Variants in DPH6 observed in about 807,000 individuals in gnomAD.
DPH6 encodes diphthamine biosynthesis 6, also known as diphthine--ammonia ligase.
A neutral mutation model predicts 38.2 loss-of-function variants in DPH6; 33 were observed. The ratio of observed to expected loss-of-function variants is 0.86; its 90% CI spans 0.65 to 1.15. The LOEUF is 1.15. DPH6 is among the 50% of genes most tolerant of loss of function. The pLI is 0.00. For synonymous variants in DPH6, 108 were observed against 103.0 expected (o/e 1.05, Z -0.30); for missense variants, 325 against 320.0 (o/e 1.02, Z -0.12).
At chr15:35,411,003 A>G in intron 5 of DPH6, 107 bp from the exon 6 acceptor site, 1 of 912,172 alleles carries the variant, frequency 1.1e-6, no homozygotes, top group Non-Finnish European at 1.6e-6. Context: ...GTGTGTATAT[A>G]TTTTGAATTG....
chr15:35,455,468 A>T (rs1008067890), intron 3 of DPH6, among the ~76,000 whole-genome samples: 1 of 152,152 alleles, frequency 6.6e-6, no homozygotes, highest in Non-Finnish European at 1.5e-5. Context: ...CTCATTAATG[A>T]GCTGGAGGAG....
intron 3 of DPH6, among the ~76,000 whole-genome samples, chr15:35,293,815 A>G (rs2051996024): frequency 6.6e-6 from 1 of 152,232 alleles, no homozygotes; most frequent in Non-Finnish European, 1.5e-5. Context: ...TAAAATGGAA[A>G]CAGAATGAAA....
chr15:35,479,533 ACTC>A (rs1470176258), intron 3 of DPH6, among the ~76,000 whole-genome samples: 1 of 152,018 alleles, frequency 6.6e-6, no homozygotes, highest in East Asian at 1.9e-4. Context: ...TTAGGTTAAG[ACTC>A]CTCCTCCAAG....
the DPH6 span, among the ~76,000 whole-genome samples, chr15:35,150,487 C>A: frequency 1.3e-5 from 2 of 152,158 alleles, no homozygotes; most frequent in African/African-American, 4.8e-5. Context: ...AGCTGTTATT[C>A]ATAATAAATG....
In DPH6 at chr15:35,372,206, A is replaced by T. The variant is rs1595506657; in HGVS notation, c.751-3T>A. 1 of 521,298 alleles carries T rather than the reference A, an allele frequency of 1.9e-6. No individual in the cohort carries two copies. The allele number at this position is 521,298 out of a possible 1,614,324, so 32.3% of individuals were successfully genotyped here. On this transcript the variant is annotated splice_polypyrimidine_tract_variant and splice_region_variant and intron_variant, in intron 8 of 8. Transcript: ENST00000256538. Reference sequence around the variant, plus strand: ...TAGTTGTCAGGCACTGAGGACACCTAAAAAAAAAAGGGAAGGAAAGGGAAG... The same window carrying T: ...TAGTTGTCAGGCACTGAGGACACCTTAAAAAAAAAGGGAAGGAAAGGGAAG...
chr15:35,213,470 T>C (rs771705300), downstream of DPH6, among the ~76,000 whole-genome samples: 19 of 152,244 alleles, frequency 1.2e-4, no homozygotes, highest in Non-Finnish European at 2.6e-4. Flanking sequence ...TTTCTCTTCA[T>C]ACATATTAAT....
rs149877453 is a variant in DPH6 at position 35,522,150 on chromosome 15, C to T, written c.312+16124G>A. 1.4e-4 allele frequency: 223 copies of T among 1,613,268 alleles called. 1 individual carries two copies. In the African/African-American group the frequency reaches 2.4e-3, roughly 17 times the overall value. On this transcript the variant is annotated intron_variant, in intron 3 of 8. Coordinates refer to ENST00000256538, the MANE Select transcript of DPH6 (RefSeq NM_080650.4). ...AAGGAGGAAATGTGTGTTTATCAAA[C>T]TTGCTGTGAGTGCACAGTTCATTTG...
chr15:35,345,460 C>T (rs868118562), intron 3 of DPH6, among the ~76,000 whole-genome samples: 7 of 151,706 alleles, frequency 4.6e-5, no homozygotes, highest in Non-Finnish European at 8.9e-5. Context: ...CATTTTCCAC[C>T]GAAGCATAAT....
the DPH6 span, among the ~76,000 whole-genome samples, chr15:35,154,642 T>C: frequency 7.2e-5 from 11 of 152,210 alleles, no homozygotes; most frequent in African/African-American, 2.4e-4. Context: ...TATGAAACCA[T>C]GGGTACCTTT....
At chr15:35,306,678 GCT>G (rs1015584188) in intron 3 of DPH6, among the ~76,000 whole-genome samples, 3 of 152,166 alleles carry the variant, frequency 2.0e-5, no homozygotes, top group African/African-American at 7.2e-5. Context: ...CCATTCTGAG[GCT>G]AAGAATTGAC....
At chr15:35,408,495 T>G (rs2053324178) in intron 6 of DPH6, among the ~76,000 whole-genome samples, 1 of 151,934 alleles carries the variant, frequency 6.6e-6, no homozygotes, top group Admixed American at 6.6e-5. Context: ...GAAGCTTAGC[T>G]GATAAATATG....
intron 7 of DPH6, among the ~76,000 whole-genome samples, chr15:35,374,672 T>C (rs2052757497): frequency 6.6e-6 from 1 of 152,048 alleles, no homozygotes; most frequent in Admixed American, 6.6e-5. Context: ...AAAATAACAT[T>C]AAAAAGGCTT....
intron 3 of DPH6, among the ~76,000 whole-genome samples, chr15:35,324,283 T>C (rs561845977): frequency 9.9e-5 from 15 of 152,248 alleles, no homozygotes; most frequent in Non-Finnish European, 1.3e-4. Flanking sequence ...GAGATATAAG[T>C]GTATTGCATA....
chr15:35,272,381 T>C (rs940284446), intron 3 of DPH6, among the ~76,000 whole-genome samples: 34 of 152,144 alleles, frequency 2.2e-4, no homozygotes, highest in Non-Finnish European at 3.8e-4. Context: ...AAAGTGCTTA[T>C]AATAAGGGCT....
At chr15:35,419,613 C>G (rs1283639262) in intron 5 of DPH6, among the ~76,000 whole-genome samples, 1 of 152,004 alleles carries the variant, frequency 6.6e-6, no homozygotes, top group Non-Finnish European at 1.5e-5. Context: ...AAAAGATATT[C>G]CATGCAAATA....
chr15:35,154,995 T>C, the DPH6 span, among the ~76,000 whole-genome samples: 425 of 152,294 alleles, frequency 2.8e-3, 2 homozygotes, highest in Middle Eastern at 0.02. Flanking sequence ...CCTCAGAACA[T>C]TTTGGAAAAT....
At chr15:35,393,218 T>C (rs1189374178) in intron 6 of DPH6, among the ~76,000 whole-genome samples, 2 of 152,142 alleles carry the variant, frequency 1.3e-5, no homozygotes, top group African/African-American at 4.8e-5. Flanking sequence ...TTTCCCAAGC[T>C]GGCAAGTAGC....
chr15:35,316,533 A>G (rs2052190097), intron 3 of DPH6, among the ~76,000 whole-genome samples: 1 of 152,188 alleles, frequency 6.6e-6, no homozygotes, highest in African/African-American at 2.4e-5. Flanking sequence ...AGGCTTAGTG[A>G]TTTAGAAGAA....
intron 3 of DPH6, chr15:35,237,207 G>T (rs2589528): frequency 0.041 from 33,234 of 813,012 alleles, 910 homozygotes; most frequent in Admixed American, 0.063. Flanking sequence ...GCGTGTGCCG[G>T]GGGTGCTGGG....
Sources: gnomAD v4.1 joint callset for allele counts (sites outside exome capture counted in the v4.1 genomes callset) on GRCh38, gnomAD v4.1.1 for gene constraint, MANE v1.5 for transcripts, NCBI Gene and HGNC (gene_info 2026-07-23, HGNC 2026-07-21) for gene names.